ZBTB20: variants seen among roughly 807,000 people sequenced by gnomAD.
The protein encoded by ZBTB20 is zinc finger and BTB domain containing 20, also known as zinc finger and BTB domain-containing protein 20.
Under a neutral mutation model 56.9 loss-of-function variants are expected in ZBTB20, and 9 were observed. The observed-to-expected ratio is 0.16, with a 90% CI of 0.10 to 0.28. The LOEUF is 0.28. Among genes scored for constraint, ZBTB20 ranks in the 10% least tolerant of loss-of-function variants. The pLI, the probability that ZBTB20 is intolerant of heterozygous loss-of-function variation, is 1.00. For synonymous variants in ZBTB20, 417 were observed against 420.7 expected, an observed-to-expected ratio of 0.99 and a Z score of 0.11; for missense variants, 655 against 1,003.0, an observed-to-expected ratio of 0.65 and a Z score of 4.69.
At chr3:114,464,685 A>G (rs904125300) in intron 7 of ZBTB20, among the ~76,000 whole-genome samples, 1 of 152,190 alleles carries the variant, frequency 6.6e-6, no homozygotes, top group African/African-American at 2.4e-5. Context: ...CAAGGAGGTG[A>G]AGGGAGGTTT....
At chr3:114,541,359 AAT>A (rs2049090206) in intron 6 of ZBTB20, among the ~76,000 whole-genome samples, 1 of 152,112 alleles carries the variant, frequency 6.6e-6, no homozygotes, top group South Asian at 2.1e-4. Flanking sequence ...GGTTTTCTAC[AAT>A]ATATGTTTCA....
At chr3:114,857,549 T>C (rs1405126488) in intron 4 of ZBTB20, among the ~76,000 whole-genome samples, 1 of 152,204 alleles carries the variant, frequency 6.6e-6, no homozygotes, top group Non-Finnish European at 1.5e-5. Flanking sequence ...TATCCTATAA[T>C]TCACCAAAGG....
intron 6 of ZBTB20, among the ~76,000 whole-genome samples, chr3:114,651,516 A>ATCCAGGG (rs1478479891): frequency 2.0e-5 from 3 of 150,888 alleles, no homozygotes; most frequent in African/African-American, 7.3e-5. Context: ...GTATAGAGAA[A>ATCCAGGG]TCCAGGGAAT....
intron 10 of ZBTB20, among the ~76,000 whole-genome samples, chr3:114,371,615 T>C (rs74484676): frequency 0.012 from 1,869 of 152,306 alleles, 43 homozygotes; most frequent in African/African-American, 0.043. Flanking sequence ...ATCCACTATA[T>C]TGATGGATGA....
chr3:114,674,694 A>G (rs2061531714), intron 6 of ZBTB20, among the ~76,000 whole-genome samples: 1 of 152,184 alleles, frequency 6.6e-6, no homozygotes. Context: ...GAATGAAGTA[A>G]AAAATCAAAG....
chr3:114,637,452 G>C (rs1182688433), intron 6 of ZBTB20, among the ~76,000 whole-genome samples: 1 of 152,062 alleles, frequency 6.6e-6, no homozygotes, highest in Admixed American at 6.6e-5. Flanking sequence ...TAGTATTTCA[G>C]CCTCCATTAC....
At chr3:114,995,539 T>C (rs749905591) in intron 2 of ZBTB20, among the ~76,000 whole-genome samples, 26 of 151,858 alleles carry the variant, frequency 1.7e-4, no homozygotes, top group Admixed American at 2.6e-4. Context: ...AAGACCCCTA[T>C]TTCATAAGCT....
intron 5 of ZBTB20, among the ~76,000 whole-genome samples, chr3:114,746,681 T>G (rs1201419667): frequency 2.0e-5 from 3 of 152,218 alleles, no homozygotes; most frequent in Non-Finnish European, 2.9e-5. Flanking sequence ...TTCATTTTAC[T>G]TTCTGTTATA....
intron 5 of ZBTB20, among the ~76,000 whole-genome samples, chr3:114,729,214 C>G (rs554836827): frequency 8.5e-5 from 13 of 152,292 alleles, no homozygotes; most frequent in African/African-American, 2.9e-4. Flanking sequence ...AACTAAAAGA[C>G]TATCCAACAT....
At chr3:115,091,796 G>C (rs1226608883) in intron 1 of ZBTB20, among the ~76,000 whole-genome samples, 1 of 151,380 alleles carries the variant, frequency 6.6e-6, no homozygotes, top group Non-Finnish European at 1.5e-5. Context: ...TATTTGCATA[G>C]CTCTGTGCTG....
chr3:114,953,228 G>C (rs187336577), intron 3 of ZBTB20, among the ~76,000 whole-genome samples: 57 of 148,526 alleles, frequency 3.8e-4, no homozygotes, highest in African/African-American at 1.0e-3. Flanking sequence ...AAGAAATATC[G>C]TCAGAAGAAC....
At chr3:115,041,357 T>C (rs2081135012) in intron 2 of ZBTB20, among the ~76,000 whole-genome samples, 1 of 152,162 alleles carries the variant, frequency 6.6e-6, no homozygotes, top group Non-Finnish European at 1.5e-5. Flanking sequence ...TATGGTACAG[T>C]TAATAAATAA....
At chr3:114,909,702 C>T (rs1419931255) in intron 3 of ZBTB20, among the ~76,000 whole-genome samples, 1 of 151,966 alleles carries the variant, frequency 6.6e-6, no homozygotes, top group Non-Finnish European at 1.5e-5. Context: ...CTCTATGATG[C>T]TCACACAATG....
chr3:114,923,679 C>T (rs752655570), intron 3 of ZBTB20, among the ~76,000 whole-genome samples: 4 of 151,806 alleles, frequency 2.6e-5, no homozygotes, highest in South Asian at 2.1e-4. Context: ...GATATTGACA[C>T]GAAAAGCACA....
intron 7 of ZBTB20, among the ~76,000 whole-genome samples, chr3:114,478,864 G>C (rs1368345796): frequency 6.6e-6 from 1 of 152,058 alleles, no homozygotes; most frequent in Non-Finnish European, 1.5e-5. Context: ...GTTTAGGGAG[G>C]CTTCTCCTGT....
intron 5 of ZBTB20, among the ~76,000 whole-genome samples, chr3:114,719,324 C>T (rs1201709131): frequency 6.6e-6 from 1 of 151,878 alleles, no homozygotes; most frequent in Non-Finnish European, 1.5e-5. Context: ...TGATAATGGC[C>T]ACAGGAATTC....
At chr3:114,609,134 A>T (rs1193648147) in intron 6 of ZBTB20, among the ~76,000 whole-genome samples, 2 of 152,234 alleles carry the variant, frequency 1.3e-5, no homozygotes, top group East Asian at 1.9e-4. Context: ...TTAGAAAGGC[A>T]CAGTCAGAAA....
At chr3:114,910,246 A>G (rs2075477150) in intron 3 of ZBTB20, among the ~76,000 whole-genome samples, 1 of 151,900 alleles carries the variant, frequency 6.6e-6, no homozygotes, top group Non-Finnish European at 1.5e-5. Context: ...CGACAATTAT[A>G]AAGATATCAC....
chr3:114,683,926 TG>T (rs2062154110), intron 6 of ZBTB20, among the ~76,000 whole-genome samples: 2 of 151,918 alleles, frequency 1.3e-5, no homozygotes, highest in African/African-American at 4.8e-5. Context: ...AGACTTGGGG[TG>T]GGGGGCAGTG....
Sources: allele counts gnomAD v4.1 joint callset (sites outside exome capture counted in the v4.1 genomes callset), GRCh38; gene constraint gnomAD v4.1.1; transcripts MANE v1.5; gene names NCBI Gene and HGNC (gene_info 2026-07-23, HGNC 2026-07-21).